The following DCAF1 variants were observed in gnomAD, a reference collection of about 807,000 sequenced individuals.
The protein encoded by DCAF1 is DDB1 and CUL4 associated factor 1, also known as DDB1- and CUL4-associated factor 1.
In DCAF1, 15 loss-of-function variants were observed where a neutral mutation model predicts 128.0. The ratio of observed to expected loss-of-function variants is 0.12; its 90% CI spans 0.08 to 0.18. The LOEUF is 0.18. Ranked by LOEUF, DCAF1 falls within the 10% of genes least tolerant of loss-of-function variation. DCAF1 has a pLI of 1.00. For synonymous variants in DCAF1, 610 were observed against 603.0 expected (o/e 1.01, Z -0.17); for missense variants, 988 against 1,649.5 (o/e 0.60, Z 6.95).
chr3:51,404,691 C>A (rs2089980846), intron 23 of DCAF1, among the ~76,000 whole-genome samples: 2 of 152,294 alleles, frequency 1.3e-5, no homozygotes, highest in African/African-American at 4.8e-5. Flanking sequence ...CTTTTAAATA[C>A]CTAGTACTCC....
At position 51,452,483 on chromosome 3, in the gene DCAF1, C is replaced by T. The variant is rs148969828; in HGVS notation, c.376-8580G>A. ...TGTTCTCTAAACACTGGATTCAAGACAATTTCCAATCTAATGCACAATGGA... is the reference window on the plus strand; with the variant it reads ...TGTTCTCTAAACACTGGATTCAAGATAATTTCCAATCTAATGCACAATGGA... On this transcript the variant is annotated intron_variant, in intron 6 of 24. Transcript: ENST00000684031. Among the ~76,000 whole-genome samples, 1,236 of 152,242 alleles carry T rather than the reference C, an allele frequency of 8.1e-3. 26 individuals carry two copies. The highest frequency in any genetic ancestry group is 7.3e-3 in the Non-Finnish European group (496 of 68,010).
rs1185622081 is a variant in DCAF1 at position 51,473,798 on chromosome 3, A to C, written c.111-2793T>G. Among the ~76,000 whole-genome samples the C allele has an allele frequency of 2.7e-5, 4 of 148,722 alleles. No homozygotes were observed. In the East Asian group the frequency reaches 8.3e-4, roughly 31 times the overall value. On this transcript the variant is annotated intron_variant, in intron 3 of 24. Coordinates refer to ENST00000684031, the MANE Select transcript of DCAF1 (RefSeq NM_001387579.1). ...TTACAGGCATTGAGCCACCACACCC[A>C]GCCTTGCTAGTCTTTTTTTTTTTGA... is the stretch of plus-strand genomic sequence containing the variant.
intron 16 of DCAF1, 25 bp downstream of exon 16, chr3:51,418,653 G>C (rs568104496): frequency 1.9e-6 from 3 of 1,586,822 alleles, no homozygotes; most frequent in South Asian, 1.1e-5. Context: ...GAATGACTGA[G>C]AGCATCCTAG....
chr3:51,503,777 G>A (rs998672202), upstream of DCAF1, among the ~76,000 whole-genome samples: 4 of 152,118 alleles, frequency 2.6e-5, no homozygotes, highest in African/African-American at 9.7e-5. Flanking sequence ...TTCCCAAAGG[G>A]TGTGTAATTA....
At chr3:51,501,529 A>G (rs1162048671), upstream of DCAF1, among the ~76,000 whole-genome samples, 7 of 152,142 alleles carry the variant, frequency 4.6e-5, no homozygotes, top group Non-Finnish European at 7.4e-5. Flanking sequence ...ATACTGTCAC[A>G]TGAATACAAG....
At chr3:51,408,197 C>T (rs1348519445) in intron 23 of DCAF1, among the ~76,000 whole-genome samples, 1 of 152,110 alleles carries the variant, frequency 6.6e-6, no homozygotes, top group African/African-American at 2.4e-5. Context: ...TCATCCTTTC[C>T]TCTTAATCTC....
At chr3:51,494,114 C>CA (rs1469211658) in intron 2 of DCAF1, among the ~76,000 whole-genome samples, 1 of 137,684 alleles carries the variant, frequency 7.3e-6, no homozygotes, top group Non-Finnish European at 1.6e-5. Flanking sequence ...ATGAGGTTTC[C>CA]TTTTTTTTTT....
At chr3:51,442,816 A>T (rs1367705834) in intron 7 of DCAF1, among the ~76,000 whole-genome samples, 6 of 152,216 alleles carry the variant, frequency 3.9e-5, no homozygotes, top group Non-Finnish European at 8.8e-5. Context: ...TATCCTCAGC[A>T]AACTAATACA....
chr3:51,441,983 C>G, intron 7 of DCAF1, 86 bp from the exon 8 acceptor site: 3 of 1,500,318 alleles, frequency 2.0e-6, no homozygotes, highest in Non-Finnish European at 2.6e-6. Context: ...CACATAATAA[C>G]TGGAGACTCA....
At chr3:51,414,947 T>G in intron 18 of DCAF1, 90 bp from the exon 19 acceptor site, 1 of 1,480,784 alleles carries the variant, frequency 6.8e-7, no homozygotes, top group Non-Finnish European at 9.0e-7. Context: ...GTTTCTAAAA[T>G]TAACACACAA....
chr3:51,425,745 G>A (rs1367264712), intron 13 of DCAF1, among the ~76,000 whole-genome samples: 1 of 151,252 alleles, frequency 6.6e-6, no homozygotes, highest in South Asian at 2.1e-4. Flanking sequence ...TTTATTTTTG[G>A]TAGAGATGGG....
At position 51,483,787 on chromosome 3, in the gene DCAF1, G is replaced by C; in HGVS notation, c.42C>G (p.Leu14=). The change falls in exon 3 of 25, where the codon CTC becomes CTG. Residue 14 remains leucine, a synonymous_variant. Coordinates refer to ENST00000684031, the MANE Select transcript of DCAF1 (RefSeq NM_001387579.1). ...VVVHVDSKAE[L]TTLLEQWEKE... is the part of the protein sequence containing the mutation. ...TTTCCCACTGCTCCAGCAGGGTAGT[G>C]AGCTCAGCTTTGGAGTCCACATGTA... 1 of 1,613,894 alleles carries C rather than the reference G, an allele frequency of 6.2e-7. No individual in the cohort carries two copies.
intron 23 of DCAF1, among the ~76,000 whole-genome samples, chr3:51,407,537 T>C (rs1577056769): frequency 6.6e-6 from 1 of 152,348 alleles, no homozygotes; most frequent in Non-Finnish European, 1.5e-5. Context: ...GAGAGCATTA[T>C]TCCTTTGTTG....
chr3:51,465,671 G>C (rs113603460), intron 5 of DCAF1, among the ~76,000 whole-genome samples: 2 of 150,902 alleles, frequency 1.3e-5, no homozygotes, highest in African/African-American at 4.9e-5. Flanking sequence ...CTTGAACCCA[G>C]GAGGCAGAGG....
At chr3:51,501,844 C>T (rs1200676950), upstream of DCAF1, among the ~76,000 whole-genome samples, 3 of 152,138 alleles carry the variant, frequency 2.0e-5, no homozygotes, top group Non-Finnish European at 1.5e-5. Flanking sequence ...CTTTCAACTT[C>T]AGAGCATGCT....
chr3:51,407,807 G>A (rs1163761234), intron 23 of DCAF1, among the ~76,000 whole-genome samples: 1 of 151,840 alleles, frequency 6.6e-6, no homozygotes, highest in Non-Finnish European at 1.5e-5. Context: ...GGCTAACATG[G>A]TGAAACCCCA....
At chr3:51,414,969 G>A (rs1168185353) in intron 18 of DCAF1, 112 bp from the exon 19 acceptor site, 1 of 1,427,060 alleles carries the variant, frequency 7.0e-7, no homozygotes, top group Non-Finnish European at 9.3e-7. Context: ...TTCTCCACAT[G>A]GATCAATGAT....
chr3:51,437,503 A>G, intron 9 of DCAF1: 1 of 386,812 alleles, frequency 2.6e-6, no homozygotes, highest in South Asian at 1.9e-5. Flanking sequence ...GAGGTCATTA[A>G]AATTACTTTT....
At chr3:51,423,572 A>G (rs1553633217) in intron 13 of DCAF1, among the ~76,000 whole-genome samples, 1 of 150,550 alleles carries the variant, frequency 6.6e-6, no homozygotes, top group Non-Finnish European at 1.5e-5. Flanking sequence ...AATCACAACA[A>G]TTTGGGAGGC....
Sources: gnomAD v4.1 joint callset for allele counts (sites outside exome capture counted in the v4.1 genomes callset) on GRCh38, gnomAD v4.1.1 for gene constraint, MANE v1.5 for transcripts, NCBI Gene and HGNC (gene_info 2026-07-23, HGNC 2026-07-21) for gene names.